KDM2A: variants seen among roughly 807,000 people sequenced by gnomAD.
KDM2A encodes the protein lysine demethylase 2A.
A neutral mutation model predicts 137.3 loss-of-function variants in KDM2A; 3 were observed. The observed-to-expected ratio is 0.02, with a 90% CI of 0.01 to 0.06. The LOEUF is 0.06. Ranked by LOEUF, KDM2A falls within the 10% of genes least tolerant of loss-of-function variation. The pLI, the probability that KDM2A is intolerant of heterozygous loss-of-function variation, is 1.00. For missense variants in KDM2A, 738 were observed against 1,510.6 expected (o/e 0.49, Z 8.48); for synonymous variants, 512 against 541.5 (o/e 0.95, Z 0.76).
In KDM2A at chr11:67,180,214, A is replaced by C; in HGVS notation, c.178A>C (p.Lys60Gln). The change falls in exon 3 of 21, where the codon AAA becomes CAA. Residue 60 changes from lysine to glutamine, a missense_variant. Around this residue, in one of 9 missense-constraint regions of KDM2A, gnomAD observed 74 missense variants for 181.8 expected, o/e 0.41. Coordinates refer to ENST00000529006, the MANE Select transcript of KDM2A (RefSeq NM_012308.3). ...CAATTTTGTTACTTTTATGGAAGGA[A>C]AAGGTCAGTATTGTTTTGGTTCCAG... ...NANFVTFMEG[K>Q]DFNVEYIQRG... 1 of 1,613,648 alleles carries C rather than the reference A, an allele frequency of 6.2e-7. No homozygotes were observed. The highest frequency in any genetic ancestry group is 8.5e-7 in the Non-Finnish European group (1 of 1,179,716).
chr11:67,132,340 A>G (rs1254563243), intron 2 of KDM2A, among the ~76,000 whole-genome samples: 3 of 152,208 alleles, frequency 2.0e-5, no homozygotes, highest in Admixed American at 6.5e-5. Context: ...CTAGAGTGCA[A>G]TGGCACGATC....
At chr11:67,131,141 A>G (rs919420746) in intron 2 of KDM2A, among the ~76,000 whole-genome samples, 10 of 152,062 alleles carry the variant, frequency 6.6e-5, no homozygotes, top group South Asian at 2.1e-4. Flanking sequence ...CCTGGCCAAC[A>G]TGACGAAACC....
Position 67,253,599 on chromosome 11 carries a change from G to A in KDM2A, c.3079G>A (p.Ala1027Thr). 1.2e-6 allele frequency: 2 copies of A among 1,613,876 alleles called. No homozygotes were observed. The highest frequency in any genetic ancestry group is 1.7e-6 in the Non-Finnish European group (2 of 1,179,830). The change falls in exon 19 of 21, where the codon GCT becomes ACT. Residue 1027 changes from alanine (A) to threonine (T), a missense_variant. Transcript: ENST00000529006. Reference sequence around the variant, plus strand: ...AATTCGGGACTTGCTTACTCCACCGGCTGATAAACCAGGTATGCTCTGGAC... The same window carrying A: ...AATTCGGGACTTGCTTACTCCACCGACTGATAAACCAGGTATGCTCTGGAC... ...PQIRDLLTPPADKPGQDNRSK... is the reference protein window; with the variant it reads ...PQIRDLLTPPTDKPGQDNRSK...
intron 2 of KDM2A, among the ~76,000 whole-genome samples, chr11:67,121,870 G>A (rs1248363029): frequency 1.3e-5 from 2 of 152,146 alleles, no homozygotes; most frequent in Non-Finnish European, 2.9e-5. Flanking sequence ...TTGAAGACAA[G>A]TAGGTAGAAT....
intron 2 of KDM2A, among the ~76,000 whole-genome samples, chr11:67,154,160 C>T (rs1260419121): frequency 6.6e-6 from 1 of 152,180 alleles, no homozygotes; most frequent in Non-Finnish European, 1.5e-5. Context: ...TCTTTAGTCA[C>T]TCAGTGTATT....
At chr11:67,218,625 A>T (rs1197996476) in intron 9 of KDM2A, among the ~76,000 whole-genome samples, 2 of 151,892 alleles carry the variant, frequency 1.3e-5, no homozygotes, top group Admixed American at 1.3e-4. Flanking sequence ...TTATTTTGAG[A>T]TGGAGTCTTG....
chr11:67,224,683 G>A (rs1203542273), intron 10 of KDM2A, among the ~76,000 whole-genome samples: 1 of 151,350 alleles, frequency 6.6e-6, no homozygotes, highest in Non-Finnish European at 1.5e-5. Flanking sequence ...AGCCAGGATG[G>A]CCTTGATCTC....
chr11:67,240,447 A>T, intron 12 of KDM2A: 1 of 1,261,158 alleles, frequency 7.9e-7, no homozygotes. Context: ...GTGAAGAGGC[A>T]GGAGAAACTG....
intron 2 of KDM2A, among the ~76,000 whole-genome samples, chr11:67,122,684 T>C (rs1030962825): frequency 1.4e-5 from 2 of 144,128 alleles, no homozygotes; most frequent in African/African-American, 5.7e-5. Context: ...TATTTATTTA[T>C]TTATTTTTTG....
intron 2 of KDM2A, among the ~76,000 whole-genome samples, chr11:67,122,472 A>G (rs899585081): frequency 2.6e-5 from 4 of 151,200 alleles, no homozygotes; most frequent in African/African-American, 9.7e-5. Flanking sequence ...GACTGTAGGC[A>G]TGTGCCACCA....
At chr11:67,172,121 T>C (rs1458641640) in intron 2 of KDM2A, among the ~76,000 whole-genome samples, 1 of 151,976 alleles carries the variant, frequency 6.6e-6, no homozygotes, top group Non-Finnish European at 1.5e-5. Flanking sequence ...TCCTGTGGAG[T>C]TGGGACTACA....
chr11:67,148,274 A>G (rs774933523), intron 2 of KDM2A, among the ~76,000 whole-genome samples: 2 of 151,288 alleles, frequency 1.3e-5, no homozygotes, highest in Non-Finnish European at 2.9e-5. Flanking sequence ...AAAAAAATTT[A>G]GCTGGGCGTG....
chr11:67,179,950 T>A (rs1857051205), intron 2 of KDM2A, 129 bp from the exon 3 acceptor site: 6 of 843,156 alleles, frequency 7.1e-6, no homozygotes, highest in Non-Finnish European at 9.0e-6. Flanking sequence ...AAAGAAAAGA[T>A]CCATAAGGCA....
chr11:67,204,053 G>C (rs1044476000), intron 5 of KDM2A, among the ~76,000 whole-genome samples: 1 of 151,868 alleles, frequency 6.6e-6, no homozygotes, highest in African/African-American at 2.4e-5. Flanking sequence ...TGCCCGCCTC[G>C]GCCTCCCAAA....
At position 67,226,206 on chromosome 11, in the gene KDM2A, G is replaced by A. The variant is rs1356480695; in HGVS notation, c.958-1831G>A. Among the ~76,000 whole-genome samples the A allele has an allele frequency of 4.0e-5, 6 of 151,732 alleles. No homozygotes were observed. In the East Asian group the frequency reaches 7.7e-4, roughly 20 times the overall value. On this transcript the variant is annotated intron_variant, in intron 10 of 20. Coordinates refer to ENST00000529006, the MANE Select transcript of KDM2A (RefSeq NM_012308.3). ...CAGGAGGTGGAGGTTGCAGTGAGCC[G>A]AGATCCCACCACTGCACACTAGCCT...
At chr11:67,213,916 G>C (rs576354729) in intron 6 of KDM2A, among the ~76,000 whole-genome samples, 1 of 152,136 alleles carries the variant, frequency 6.6e-6, no homozygotes, top group Non-Finnish European at 1.5e-5. Context: ...CCAAGCTGGA[G>C]TGCAGTGGTG....
intron 2 of KDM2A, among the ~76,000 whole-genome samples, chr11:67,132,814 A>G (rs1408582960): frequency 6.6e-6 from 1 of 152,168 alleles, no homozygotes; most frequent in Non-Finnish European, 1.5e-5. Flanking sequence ...CTTGGGCCCC[A>G]CCCCAAACTT....
chr11:67,133,234 G>A (rs527351987), intron 2 of KDM2A, among the ~76,000 whole-genome samples: 30 of 152,208 alleles, frequency 2.0e-4, no homozygotes, highest in African/African-American at 7.0e-4. Flanking sequence ...CAGGTAGCTG[G>A]GATTACAGGC....
rs1859636995 is a variant in KDM2A, at chr11:67,257,019, T to G, written c.*1964T>G. ...GTATTGAGCAAAAACCTTATTATCG[T>G]TAATGACCTATAATTGGAAGCTTCC... is the stretch of plus-strand genomic sequence containing the variant. On this transcript the variant is annotated 3_prime_UTR_variant, in exon 21 of 21. Transcript: ENST00000529006. 6.5e-6 allele frequency: 1 copy of G among 152,702 alleles called. No homozygotes were observed. The highest frequency in any genetic ancestry group is 1.5e-5 in the Non-Finnish European group (1 of 68,030). 9.5% of individuals were successfully genotyped at this position (152,702 alleles called of 1,614,324 possible). A position where few individuals can be genotyped will look rare whatever the true frequency, so the allele number is the denominator to read the frequency against.
Sources: allele counts gnomAD v4.1 joint callset (sites outside exome capture counted in the v4.1 genomes callset), GRCh38; gene constraint gnomAD v4.1.1; regional missense constraint gnomAD v4.1.1; transcripts MANE v1.5; gene names NCBI Gene and HGNC (gene_info 2026-07-23, HGNC 2026-07-21).